ADAMTS16: variants seen among roughly 807,000 people sequenced by gnomAD.
ADAMTS16 encodes the protein ADAM metallopeptidase with thrombospondin type 1 motif 16.
A neutral mutation model predicts 145.8 loss-of-function variants in ADAMTS16; 94 were observed. That is an observed-to-expected ratio of 0.64 (90% CI 0.55 to 0.77). The LOEUF is 0.77. ADAMTS16 is among the 30% of genes least tolerant of loss of function. The probability of loss-of-function intolerance (pLI) is 0.00; values close to 1 mark genes in which losing one functional copy is unlikely to be tolerated. For missense variants in ADAMTS16, 1,585 were observed against 1,591.5 expected (o/e 1.00, Z 0.07); for synonymous variants, 659 against 604.3 (o/e 1.09, Z -1.33).
intron 12 of ADAMTS16, among the ~76,000 whole-genome samples, chr5:5,233,396 C>G (rs548887443): frequency 6.6e-6 from 1 of 152,230 alleles, no homozygotes; most frequent in African/African-American, 2.4e-5. Context: ...CATAAGCAAA[C>G]TTGTGTCACG....
intron 12 of ADAMTS16, among the ~76,000 whole-genome samples, chr5:5,233,587 C>T (rs982114698): frequency 4.6e-5 from 7 of 152,072 alleles, no homozygotes; most frequent in East Asian, 3.9e-4. Context: ...TGAGAACATG[C>T]GGTATTTGGT....
intron 18 of ADAMTS16, among the ~76,000 whole-genome samples, chr5:5,283,945 T>C (rs547563633): frequency 2.0e-5 from 3 of 152,348 alleles, no homozygotes; most frequent in South Asian, 4.1e-4. Context: ...ATACATTTCA[T>C]AAGATTGGTC....
intron 5 of ADAMTS16, 128 bp downstream of exon 5, chr5:5,186,379 G>T (rs1299993676): frequency 1.2e-6 from 1 of 867,808 alleles, no homozygotes; most frequent in Non-Finnish European, 1.8e-6. Context: ...CCATATATGA[G>T]AAATATTTTA....
chr5:5,201,722 A>G (rs1389253292), intron 9 of ADAMTS16, among the ~76,000 whole-genome samples: 1 of 152,170 alleles, frequency 6.6e-6, no homozygotes, highest in East Asian at 1.9e-4. Flanking sequence ...TCCCCAGGCT[A>G]GGAAACGAGA....
At chr5:5,313,541 G>A (rs1335606738) in intron 21 of ADAMTS16, among the ~76,000 whole-genome samples, 1 of 152,354 alleles carries the variant, frequency 6.6e-6, no homozygotes, top group Admixed American at 6.5e-5. Flanking sequence ...CCCACATGCA[G>A]AGACAGGGTG....
At chr5:5,220,735 G>T (rs79178694) in intron 10 of ADAMTS16, among the ~76,000 whole-genome samples, 1 of 152,118 alleles carries the variant, frequency 6.6e-6, no homozygotes, top group African/African-American at 2.4e-5. Context: ...ACGATTAGAC[G>T]TTGCTGTCCT....
At chr5:5,245,595 TAAGG>T (rs1737418754) in intron 17 of ADAMTS16, among the ~76,000 whole-genome samples, 1 of 152,194 alleles carries the variant, frequency 6.6e-6, no homozygotes, top group East Asian at 1.9e-4. Context: ...TTTGAGAATT[TAAGG>T]GTCTACGAGG....
chr5:5,255,990 G>A (rs1273664802), intron 17 of ADAMTS16, among the ~76,000 whole-genome samples: 3 of 152,074 alleles, frequency 2.0e-5, no homozygotes, highest in East Asian at 3.9e-4. Context: ...ATCTTTTGTA[G>A]CATTTTCATC....
In ADAMTS16 at chr5:5,318,198, C is replaced by T. The variant is rs780954477; in HGVS notation, c.3476C>T (p.Pro1159Leu). The T allele has an allele frequency of 1.9e-5, 29 of 1,563,724 alleles. No individual in the cohort carries two copies. The highest frequency in any genetic ancestry group is 3.6e-4 in the Middle Eastern group (2 of 5,618). ...RSVQCLAGGRPASGCLLHQKP... is the reference protein window; with the variant it reads ...RSVQCLAGGRLASGCLLHQKP... ...GTGCAGTGCCTGGCTGGGGGCCGGCCGGCCTCAGGCTGCCTCCTGCACCAG... is the reference window on the plus strand; with the variant it reads ...GTGCAGTGCCTGGCTGGGGGCCGGCTGGCCTCAGGCTGCCTCCTGCACCAG... The change falls in exon 22 of 23, where the codon CCG (proline) becomes CTG (leucine). Residue 1159 changes from proline to leucine, a missense_variant. Physicochemically the swap from Pro to Leu is moderately conservative, Grantham distance 98. Around this residue, in one of 3 missense-constraint regions of ADAMTS16, gnomAD observed 834 missense variants for 811.7 expected, o/e 1.03. Transcript: ENST00000274181.
Position 5,319,833 on chromosome 5 carries a change from T to C in ADAMTS16, c.*695T>C. The C allele has an allele frequency of 2.2e-6, 1 of 454,842 alleles. No homozygotes were observed. Among genetic ancestry groups the C allele is most frequent in the Non-Finnish European group, 4.4e-6 (1 of 226,540 alleles). The allele number at this position is 454,842 out of a possible 1,614,324, so 28.2% of individuals were successfully genotyped here. Reference sequence around the variant, plus strand: ...CTAAGGTGCTTCTATCTCTTTCAGATTCATGCATTGAAGGAGAGATTTTTT... The same window carrying C: ...CTAAGGTGCTTCTATCTCTTTCAGACTCATGCATTGAAGGAGAGATTTTTT... On this transcript the variant is annotated 3_prime_UTR_variant, in exon 23 of 23. Coordinates refer to ENST00000274181, the MANE Select transcript of ADAMTS16 (RefSeq NM_139056.4).
chr5:5,235,837 G>A (rs1005150612), intron 13 of ADAMTS16, among the ~76,000 whole-genome samples: 1 of 152,154 alleles, frequency 6.6e-6, no homozygotes, highest in Non-Finnish European at 1.5e-5. Context: ...AAAAATGACA[G>A]AAGCCCTTTG....
At chr5:5,213,913 C>T (rs1736344936) in intron 10 of ADAMTS16, among the ~76,000 whole-genome samples, 2 of 152,210 alleles carry the variant, frequency 1.3e-5, no homozygotes, top group Non-Finnish European at 1.5e-5. Flanking sequence ...CTAAGACAGA[C>T]ACCTGGGGCC....
intron 15 of ADAMTS16, 105 bp downstream of exon 15, chr5:5,239,379 C>T: frequency 6.9e-7 from 1 of 1,450,906 alleles, no homozygotes; most frequent in Non-Finnish European, 9.2e-7. Flanking sequence ...CTTCCTTCCG[C>T]TGCCTCGCTT....
At chr5:5,218,714 C>T (rs1300180035) in intron 10 of ADAMTS16, among the ~76,000 whole-genome samples, 1 of 152,188 alleles carries the variant, frequency 6.6e-6, no homozygotes, top group Non-Finnish European at 1.5e-5. Context: ...TGGCTCTCAG[C>T]AAGGTGGATG....
At chr5:5,164,370 C>A (rs1184564175) in intron 3 of ADAMTS16, among the ~76,000 whole-genome samples, 1 of 152,234 alleles carries the variant, frequency 6.6e-6, no homozygotes, top group Non-Finnish European at 1.5e-5. Context: ...CTGCATAAGT[C>A]AAGGGGAGCG....
At chr5:5,316,841 C>T (rs181218326) in intron 21 of ADAMTS16, among the ~76,000 whole-genome samples, 2 of 152,334 alleles carry the variant, frequency 1.3e-5, no homozygotes, top group East Asian at 3.9e-4. Flanking sequence ...TTGTCAAGGG[C>T]ATTCCCTGAA....
intron 17 of ADAMTS16, among the ~76,000 whole-genome samples, chr5:5,246,662 C>T (rs143380841): frequency 1.3e-5 from 2 of 152,252 alleles, no homozygotes; most frequent in African/African-American, 4.8e-5. Context: ...ATGCCAAAGT[C>T]GGTGTTGCTT....
At position 5,179,147 on chromosome 5, in the gene ADAMTS16, C is replaced by G. The variant is rs542706023; in HGVS notation, c.502-2897C>G. Among the ~76,000 whole-genome samples, 40 of 148,772 alleles carry G rather than the reference C, an allele frequency of 2.7e-4. 1 individual carries two copies. Among genetic ancestry groups the G allele is most frequent in the African/African-American group, 5.2e-4 (21 of 40,170 alleles). On this transcript the variant is annotated intron_variant, in intron 3 of 22. Coordinates refer to ENST00000274181, the MANE Select transcript of ADAMTS16 (RefSeq NM_139056.4). ...CAAGTAGCTGTTCTTATATCTGCAT[C>G]CTAGATGACAGAGCAGCACAGAAAG...
At chr5:5,232,604 T>G (rs1008259876) in intron 12 of ADAMTS16, 88 bp downstream of exon 12, 1 of 689,964 alleles carries the variant, frequency 1.4e-6, no homozygotes, top group South Asian at 3.1e-5. Context: ...TCAGCTCTTT[T>G]TTTTTTTTTT....
Sources: allele counts gnomAD v4.1 joint callset (sites outside exome capture counted in the v4.1 genomes callset), GRCh38; gene constraint gnomAD v4.1.1; regional missense constraint gnomAD v4.1.1; transcripts MANE v1.5; gene names NCBI Gene and HGNC (gene_info 2026-07-23, HGNC 2026-07-21).